The following TAOK3 variants were observed in gnomAD, a reference collection of about 807,000 sequenced individuals.
The protein encoded by TAOK3 is serine/threonine-protein kinase TAO3.
A neutral mutation model predicts 120.4 loss-of-function variants in TAOK3; 40 were observed. The ratio of observed to expected loss-of-function variants is 0.33; its 90% confidence interval spans 0.26 to 0.43. The LOEUF is 0.43. Among genes scored for constraint, TAOK3 ranks in the 20% least tolerant of loss-of-function variants. The pLI is 1.00. For synonymous variants in TAOK3, 355 were observed against 387.5 expected, an observed-to-expected ratio of 0.92 and a Z score of 0.99; for missense variants, 821 against 1,112.1, an observed-to-expected ratio of 0.74 and a Z score of 3.72.
At chr12:118,283,657 G>A (rs1299240440) in intron 1 of TAOK3, 4 of 159,410 alleles carry the variant, frequency 2.5e-5, no homozygotes, top group Admixed American at 2.4e-4. Context: ...TTGAACCTGG[G>A]AGGCAGAGGT....
intron 13 of TAOK3, among the ~76,000 whole-genome samples, chr12:118,197,682 C>CTT (rs67635506): frequency 0.023 from 2,050 of 90,672 alleles, 76 homozygotes; most frequent in African/African-American, 0.042. Flanking sequence ...GCAAAACCTT[C>CTT]TTTTTTTTTT....
rs912159459 is a variant in TAOK3 at position 118,246,451 on chromosome 12, G to C, written c.121-1486C>G. 35 of 1,445,676 alleles carry C rather than the reference G, an allele frequency of 2.4e-5. 1 individual carries two copies. The highest frequency in any genetic ancestry group is 1.3e-4 in the African/African-American group (9 of 71,204). 89.6% of individuals were successfully genotyped at this position (1,445,676 alleles called of 1,614,324 possible). ...CAGACCCGTGCCAGCCAGCGCACCA[G>C]GTTCAAGGCGTTTGTTGCTATCGGG... is the stretch of plus-strand genomic sequence containing the variant. On this transcript the variant is annotated intron_variant, in intron 3 of 20. Transcript: ENST00000392533.
chr12:118,218,917 C>A (rs1394147521), intron 9 of TAOK3, among the ~76,000 whole-genome samples: 1 of 152,154 alleles, frequency 6.6e-6, no homozygotes, highest in African/African-American at 2.4e-5. Flanking sequence ...CACACCACTG[C>A]ACTCCAGCCT....
intron 1 of TAOK3, among the ~76,000 whole-genome samples, chr12:118,323,388 A>G (rs2043803594): frequency 6.6e-6 from 1 of 152,190 alleles, no homozygotes; most frequent in African/African-American, 2.4e-5. Context: ...CAAAGTAAAA[A>G]AATGTACACT....
chr12:118,308,717 G>C (rs2086271189), intron 1 of TAOK3, among the ~76,000 whole-genome samples: 1 of 151,916 alleles, frequency 6.6e-6, no homozygotes, highest in South Asian at 2.1e-4. Flanking sequence ...ATTACCTGAG[G>C]TCAGGAGTTT....
rs2035138475 is a variant in TAOK3, at chr12:118,160,422, C to T, written c.2140-64G>A. On this transcript the variant is annotated intron_variant, in intron 18 of 20. Coordinates refer to ENST00000392533, the MANE Select transcript of TAOK3 (RefSeq NM_016281.4). This position sits in a 1 kb window ranked among gnomAD's most constrained non-coding sequence, Gnocchi z 4.2. ...TCAGTAAATACAGAAAGCCTTCTAC[C>T]ATAATGATATAATACAAGTGCTGAG... 3 of 1,353,784 alleles carry T rather than the reference C, an allele frequency of 2.2e-6. No individual in the cohort carries two copies. In the South Asian group the frequency reaches 3.6e-5, roughly 16 times the overall value. The allele number at this position is 1,353,784 out of a possible 1,614,324, so 83.9% of individuals were successfully genotyped here. A position where few individuals can be genotyped will look rare whatever the true frequency, so the allele number is the denominator to read the frequency against.
chr12:118,288,915 CAAAAAAAA>C (rs34740967), intron 1 of TAOK3, among the ~76,000 whole-genome samples: 1 of 94,218 alleles, frequency 1.1e-5, no homozygotes, highest in Non-Finnish European at 2.1e-5. Context: ...GACTCTATCT[CAAAAAAAA>C]AAAAAAAAAA....
intron 9 of TAOK3, among the ~76,000 whole-genome samples, chr12:118,230,712 G>T (rs1053164894): frequency 6.6e-6 from 1 of 151,730 alleles, no homozygotes; most frequent in Non-Finnish European, 1.5e-5. Context: ...CTCGTGATCC[G>T]CCCGCCTCGG....
intron 11 of TAOK3, among the ~76,000 whole-genome samples, chr12:118,204,534 G>A (rs184290667): frequency 2.3e-3 from 350 of 152,232 alleles, no homozygotes; most frequent in Non-Finnish European, 3.8e-3. Flanking sequence ...CTCTTCCTAG[G>A]TAGAGTCCTT....
intron 16 of TAOK3, among the ~76,000 whole-genome samples, chr12:118,176,579 C>G (rs2036345392): frequency 6.6e-6 from 1 of 151,700 alleles, no homozygotes; most frequent in Non-Finnish European, 1.5e-5. Flanking sequence ...AAATGTGGTC[C>G]CTGAAGCAGT....
intron 9 of TAOK3, among the ~76,000 whole-genome samples, chr12:118,218,254 A>T (rs2039040112): frequency 6.6e-6 from 1 of 152,062 alleles, no homozygotes; most frequent in Non-Finnish European, 1.5e-5. Context: ...ATCTGTTTCA[A>T]ATGCAAAAGA....
At chr12:118,362,836 G>A (rs541252076) in intron 1 of TAOK3, among the ~76,000 whole-genome samples, 1 of 152,006 alleles carries the variant, frequency 6.6e-6, no homozygotes, top group South Asian at 2.1e-4. Flanking sequence ...TGCCCAACAT[G>A]GCAAAACCCC....
chr12:118,172,725 C>A, intron 16 of TAOK3, 65 bp from the exon 17 acceptor site: 5 of 1,371,024 alleles, frequency 3.6e-6, no homozygotes, highest in Non-Finnish European at 4.2e-6. Context: ...CAGCTTATTG[C>A]AACTGAAGAT....
chr12:118,175,536 A>G (rs2036270535), intron 16 of TAOK3, among the ~76,000 whole-genome samples: 1 of 152,172 alleles, frequency 6.6e-6, no homozygotes, highest in African/African-American at 2.4e-5. Flanking sequence ...CTGAAGCAGG[A>G]GAGTTGCTTG....
At chr12:118,152,141 A>G (rs1214438191) in intron 20 of TAOK3, 86 bp downstream of exon 20, 2 of 1,308,634 alleles carry the variant, frequency 1.5e-6, no homozygotes, top group African/African-American at 2.9e-5. Flanking sequence ...TTAATCTCTA[A>G]CTAAGGAAGG....
chr12:118,182,544 C>T (rs1322657833), intron 14 of TAOK3, among the ~76,000 whole-genome samples: 4 of 147,928 alleles, frequency 2.7e-5, no homozygotes, highest in Non-Finnish European at 5.9e-5. Flanking sequence ...CAAAATTCCT[C>T]TAGTTGAGAA....
chr12:118,334,365 G>A (rs1236442432), intron 1 of TAOK3, among the ~76,000 whole-genome samples: 1 of 151,888 alleles, frequency 6.6e-6, no homozygotes, highest in Non-Finnish European at 1.5e-5. Flanking sequence ...GAAATAAGTG[G>A]GTCACACAAG....
chr12:118,241,785 A>G (rs1392469376), intron 5 of TAOK3, among the ~76,000 whole-genome samples: 1 of 152,192 alleles, frequency 6.6e-6, no homozygotes, highest in Non-Finnish European at 1.5e-5. Flanking sequence ...GAAACCAGGT[A>G]GCCATGCTTA....
chr12:118,256,677 T>C (rs2041001682), intron 2 of TAOK3, among the ~76,000 whole-genome samples: 1 of 152,206 alleles, frequency 6.6e-6, no homozygotes, highest in African/African-American at 2.4e-5. Flanking sequence ...TATGATTCCA[T>C]ATATACACAC....
Sources: allele counts gnomAD v4.1 joint callset (sites outside exome capture counted in the v4.1 genomes callset), GRCh38; gene constraint gnomAD v4.1.1; non-coding constraint Gnocchi (gnomAD v3.1); transcripts MANE v1.5; gene names NCBI Gene and HGNC (gene_info 2026-07-23, HGNC 2026-07-21).